Variants in PRH1 observed in about 807,000 individuals in gnomAD.
The protein encoded by PRH1 is salivary acidic proline-rich phosphoprotein 1/2.
Under a neutral mutation model 7.9 loss-of-function variants are expected in PRH1, and 7 were observed. The ratio of observed to expected loss-of-function variants is 0.89; its 90% CI spans 0.50 to 1.67. The LOEUF (loss-of-function observed/expected upper bound fraction) is 1.67. Ranked by LOEUF, PRH1 falls within the 40% of genes most tolerant of loss-of-function variation. PRH1 has a pLI of 0.00. For missense variants in PRH1, 109 were observed against 223.6 expected, an observed-to-expected ratio of 0.49 and a Z score of 3.27; for synonymous variants, 45 against 80.8, an observed-to-expected ratio of 0.56 and a Z score of 2.38.
chr12:11,137,889 T>C (rs1284789569), intron 1 of PRH1, among the ~76,000 whole-genome samples: 2 of 152,170 alleles, frequency 1.3e-5, no homozygotes, highest in African/African-American at 2.4e-5. Context: ...TGCTATTTGA[T>C]AAATGTGATT....
intron 2 of PRH1, among the ~76,000 whole-genome samples, chr12:10,903,512 T>C (rs376971654): frequency 6.6e-6 from 1 of 151,906 alleles, no homozygotes; most frequent in African/African-American, 2.4e-5. Context: ...TAATTAGGCA[T>C]TGAAGGAACA....
intron 1 of PRH1, among the ~76,000 whole-genome samples, chr12:11,028,979 C>T (rs1965230): frequency 0.21 from 31,303 of 150,936 alleles, 25 homozygotes; most frequent in East Asian, 0.44. Flanking sequence ...TTTAGCCACC[C>T]ATTTATTTGT....
intron 1 of PRH1, among the ~76,000 whole-genome samples, chr12:11,030,224 T>A (rs368544800): frequency 8.6e-6 from 1 of 115,670 alleles, no homozygotes; most frequent in Non-Finnish European, 1.8e-5. Flanking sequence ...CATACACACA[T>A]AAACACACAC....
rs752347186 is a variant in PRH1 at position 10,938,852 on chromosome 12, A to C, written c.-59+34803T>G. On this transcript the variant is annotated intron_variant, in intron 2 of 3. Transcript: ENST00000539853. ...TTTAACCCTCCACTTTAGGTAGAGA[A>C]AAATAGAGTTAGAAAAATTGGCTAT... 11 of 1,613,630 alleles carry C rather than the reference A, an allele frequency of 6.8e-6. No individual in the cohort carries two copies. The highest frequency in any genetic ancestry group is 2.7e-5 in the African/African-American group (2 of 74,924).
intron 1 of PRH1, among the ~76,000 whole-genome samples, chr12:11,099,563 G>A (rs757536862): frequency 3.3e-5 from 5 of 152,102 alleles, no homozygotes; most frequent in Non-Finnish European, 7.4e-5. Context: ...TGGGCTCAGT[G>A]GAGTGTGCCT....
intron 2 of PRH1, among the ~76,000 whole-genome samples, chr12:10,917,048 C>T (rs1949981955): frequency 6.6e-6 from 1 of 151,984 alleles, no homozygotes. Context: ...TGCCAGTCAG[C>T]CTGGGTGACA....
intron 1 of PRH1, among the ~76,000 whole-genome samples, chr12:11,163,236 G>A (rs1407130928): frequency 6.6e-6 from 1 of 152,100 alleles, no homozygotes; most frequent in East Asian, 1.9e-4. Flanking sequence ...AGGAAACACA[G>A]AGCATATGAC....
intron 1 of PRH1, among the ~76,000 whole-genome samples, chr12:11,055,417 C>A (rs1943323797): frequency 6.6e-6 from 1 of 152,242 alleles, no homozygotes; most frequent in African/African-American, 2.4e-5. Flanking sequence ...AGGTCCTGAC[C>A]TTAATTTCTA....
chr12:11,075,356 C>T (rs1398909586), intron 1 of PRH1, among the ~76,000 whole-genome samples: 2 of 122,646 alleles, frequency 1.6e-5, no homozygotes, highest in East Asian at 4.1e-4. Context: ...TTACAAACAG[C>T]TTAACCAGTT....
chr12:11,088,701 G>A lies in PRH1; in HGVS notation n.124-41513C>T, dbSNP rs1292053421. ...ATTAATGAAGTTTCCCAGGCTACTG[G>A]TCTCAAGCAGAATCCAGAACAAAAG... is the stretch of plus-strand genomic sequence containing the variant. On this transcript the variant is annotated intron_variant and non_coding_transcript_variant, in intron 1 of 4. Coordinates refer to the PRH1 transcript ENST00000541977. 1.4e-4 allele frequency among the ~76,000 whole-genome samples: 16 copies of A among 114,158 alleles called. 6 individuals are homozygous for A. The highest frequency in any genetic ancestry group is 4.7e-4 in the African/African-American group (16 of 33,816). 74.9% of individuals were successfully genotyped at this position (114,158 alleles called of 152,430 possible).
intron 1 of PRH1, chr12:11,021,592 A>C: frequency 9.0e-7 from 1 of 1,116,858 alleles, no homozygotes; most frequent in Non-Finnish European, 1.3e-6. Context: ...TGTTCCAGAC[A>C]CCATCAGTTT....
At chr12:10,936,720 T>C (rs1281304943) in intron 2 of PRH1, among the ~76,000 whole-genome samples, 1 of 152,168 alleles carries the variant, frequency 6.6e-6, no homozygotes, top group Non-Finnish European at 1.5e-5. Flanking sequence ...TGCCTGTTTC[T>C]TCCTCTTTTT....
At chr12:10,903,625 G>C (rs971912186) in intron 2 of PRH1, among the ~76,000 whole-genome samples, 2 of 151,772 alleles carry the variant, frequency 1.3e-5, no homozygotes, top group African/African-American at 4.8e-5. Flanking sequence ...AACAAGAAAA[G>C]GGTCCCCACT....
At chr12:11,030,631 G>C in intron 1 of PRH1, 1 of 1,614,188 alleles carries the variant, frequency 6.2e-7, no homozygotes, top group South Asian at 1.1e-5. Context: ...CACATAACAA[G>C]AGGAAAAAGA....
chr12:11,167,445 A>ATTT (rs145652303), intron 1 of PRH1, among the ~76,000 whole-genome samples: 5 of 140,436 alleles, frequency 3.6e-5, no homozygotes, highest in Non-Finnish European at 3.1e-5. Context: ...AAGGCTTGTA[A>ATTT]TTTTTTTTTT....
chr12:11,066,482 G>A (rs1482158289), intron 1 of PRH1, among the ~76,000 whole-genome samples: 1 of 151,804 alleles, frequency 6.6e-6, no homozygotes, highest in Non-Finnish European at 1.5e-5. Flanking sequence ...TGTAAAATAA[G>A]CTATACTTAA....
chr12:11,069,443 T>TTG (rs1943967080), intron 1 of PRH1, among the ~76,000 whole-genome samples: 1 of 19,794 alleles, frequency 5.1e-5, no homozygotes. Context: ...GGCAATCTCA[T>TTG]GTTTTCAGTT....
intron 2 of PRH1, chr12:10,908,324 C>G: frequency 6.9e-7 from 1 of 1,454,120 alleles, no homozygotes; most frequent in African/African-American, 1.4e-5. Context: ...CTTGTAGACT[C>G]CTGTTTCTGT....
chr12:10,927,204 T>G (rs190012261), intron 2 of PRH1, among the ~76,000 whole-genome samples: 72 of 152,322 alleles, frequency 4.7e-4, no homozygotes, highest in Non-Finnish European at 8.1e-4. Flanking sequence ...AATCTGTCTT[T>G]CACCAGGCTT....
Sources: allele counts gnomAD v4.1 joint callset (sites outside exome capture counted in the v4.1 genomes callset), GRCh38; gene constraint gnomAD v4.1.1; transcripts MANE v1.5; gene names NCBI Gene and HGNC (gene_info 2026-07-23, HGNC 2026-07-21).